Variants in KCND2 observed in about 807,000 individuals in gnomAD.
The protein encoded by KCND2 is potassium voltage-gated channel subfamily D member 2.
A neutral mutation model predicts 54.4 loss-of-function variants in KCND2; 16 were observed. The ratio of observed to expected loss-of-function variants is 0.29; its 90% CI spans 0.20 to 0.45. The LOEUF is 0.45. Ranked by LOEUF, KCND2 falls within the 20% of genes least tolerant of loss-of-function variation. The probability of loss-of-function intolerance (pLI) is 1.00; values close to 1 mark genes in which losing one functional copy is unlikely to be tolerated. For missense variants in KCND2, 486 were observed against 824.2 expected, an observed-to-expected ratio of 0.59 and a Z score of 5.02; for synonymous variants, 317 against 310.7, an observed-to-expected ratio of 1.02 and a Z score of -0.21.
chr7:120,619,870 A>G (rs1204250400), intron 1 of KCND2, among the ~76,000 whole-genome samples: 1 of 152,198 alleles, frequency 6.6e-6, no homozygotes, highest in Non-Finnish European at 1.5e-5. Context: ...TTGAATATCT[A>G]ATTATAAACT....
intron 1 of KCND2, among the ~76,000 whole-genome samples, chr7:120,429,097 T>C (rs1016610454): frequency 6.6e-6 from 1 of 152,170 alleles, no homozygotes; most frequent in Non-Finnish European, 1.5e-5. Flanking sequence ...GTTAGGTTTG[T>C]ATAGAAGAGC....
At chr7:120,724,212 T>A (rs1183054024) in intron 1 of KCND2, among the ~76,000 whole-genome samples, 1 of 152,196 alleles carries the variant, frequency 6.6e-6, no homozygotes, top group Admixed American at 6.6e-5. Flanking sequence ...TTGACCTCAC[T>A]GAACTCATGA....
At chr7:120,412,913 C>T (rs908657370) in intron 1 of KCND2, among the ~76,000 whole-genome samples, 1 of 152,056 alleles carries the variant, frequency 6.6e-6, no homozygotes, top group African/African-American at 2.4e-5. Flanking sequence ...TTTGCCAGCA[C>T]TCCCTTACTG....
At chr7:120,684,310 A>G (rs979356533) in intron 1 of KCND2, among the ~76,000 whole-genome samples, 10 of 152,182 alleles carry the variant, frequency 6.6e-5, no homozygotes, top group Non-Finnish European at 1.5e-4. Context: ...GACTTAATCT[A>G]GTACACGTAA....
At chr7:120,699,342 A>G (rs1421129861) in intron 1 of KCND2, among the ~76,000 whole-genome samples, 1 of 152,196 alleles carries the variant, frequency 6.6e-6, no homozygotes, top group East Asian at 1.9e-4. Flanking sequence ...TCAATTTGCA[A>G]AGGTTAAGGA....
chr7:120,296,632 G>A (rs1419358936), intron 1 of KCND2, among the ~76,000 whole-genome samples: 1 of 151,990 alleles, frequency 6.6e-6, no homozygotes, highest in Non-Finnish European at 1.5e-5. Context: ...CATTCTCTGA[G>A]TGGTACTCAT....
intron 1 of KCND2, among the ~76,000 whole-genome samples, chr7:120,560,720 C>G (rs993071622): frequency 3.7e-4 from 56 of 152,210 alleles, no homozygotes; most frequent in African/African-American, 1.3e-3. Flanking sequence ...GGTTATCAGT[C>G]CAGTATTCTC....
At chr7:120,519,277 GC>G (rs1803245978) in intron 1 of KCND2, among the ~76,000 whole-genome samples, 2 of 152,094 alleles carry the variant, frequency 1.3e-5, no homozygotes, top group Admixed American at 6.6e-5. Flanking sequence ...CGAGACTGAG[GC>G]TGAGGTTGCA....
intron 1 of KCND2, among the ~76,000 whole-genome samples, chr7:120,541,588 C>T (rs1180371149): frequency 2.0e-5 from 3 of 152,092 alleles, no homozygotes; most frequent in Non-Finnish European, 4.4e-5. Flanking sequence ...CTGAGACTAG[C>T]ATGTTCCAAG....
At chr7:120,289,941 A>G (rs1176746700) in intron 1 of KCND2, among the ~76,000 whole-genome samples, 1 of 152,076 alleles carries the variant, frequency 6.6e-6, no homozygotes, top group Non-Finnish European at 1.5e-5. Flanking sequence ...CGAAGCTCAC[A>G]TTGTGTTTTT....
chr7:120,614,954 A>G (rs1793002969), intron 1 of KCND2, among the ~76,000 whole-genome samples: 1 of 152,188 alleles, frequency 6.6e-6, no homozygotes, highest in African/African-American at 2.4e-5. Context: ...CAAACAACAT[A>G]CACTAACAAT....
intron 1 of KCND2, among the ~76,000 whole-genome samples, chr7:120,480,778 A>T (rs1423049215): frequency 1.3e-5 from 2 of 152,210 alleles, no homozygotes; most frequent in African/African-American, 2.4e-5. Flanking sequence ...GTTCTTTATA[A>T]GTTACCCAGT....
intron 1 of KCND2, among the ~76,000 whole-genome samples, chr7:120,613,084 ATT>A (rs68066248): frequency 0.21 from 30,851 of 144,672 alleles, 3,976 homozygotes; most frequent in African/African-American, 0.38. Flanking sequence ...GTTTAGCCTA[ATT>A]TTTTTTTTTT....
At chr7:120,519,224 C>T (rs1803244811) in intron 1 of KCND2, among the ~76,000 whole-genome samples, 1 of 152,070 alleles carries the variant, frequency 6.6e-6, no homozygotes, top group African/African-American at 2.4e-5. Flanking sequence ...TACCTGTAAT[C>T]ATAGCTACTT....
intron 1 of KCND2, among the ~76,000 whole-genome samples, chr7:120,510,271 T>C (rs1440374685): frequency 1.3e-5 from 2 of 152,142 alleles, no homozygotes; most frequent in African/African-American, 4.8e-5. Context: ...AACAAACTTC[T>C]TGGCATTGAC....
At chr7:120,502,306 C>T (rs1018132540) in intron 1 of KCND2, among the ~76,000 whole-genome samples, 1 of 151,932 alleles carries the variant, frequency 6.6e-6, no homozygotes, top group African/African-American at 2.4e-5. Flanking sequence ...AGCTTTCACT[C>T]CTTTCTTTCA....
intron 1 of KCND2, among the ~76,000 whole-genome samples, chr7:120,563,702 A>T (rs1792263507): frequency 6.6e-6 from 1 of 152,028 alleles, no homozygotes; most frequent in African/African-American, 2.4e-5. Context: ...TATTTCAAAT[A>T]CTCCAGGCAG....
chr7:120,675,259 G>T (rs1320993495), intron 1 of KCND2, among the ~76,000 whole-genome samples: 2 of 152,016 alleles, frequency 1.3e-5, no homozygotes, highest in African/African-American at 4.8e-5. Flanking sequence ...TAGAGACAGG[G>T]TATTGCTCTG....
Position 120,693,913 on chromosome 7 carries a change from C to T in KCND2, c.1116-38990C>T, listed in dbSNP as rs150529205. On this transcript the variant is annotated intron_variant, in intron 1 of 5. Transcript: ENST00000331113. ...CCATCTGTAAATAGAAGGATGCGTGCGGTGGTTCATGCCTGTAATGCCAGC... is the reference window on the plus strand; with the variant it reads ...CCATCTGTAAATAGAAGGATGCGTGTGGTGGTTCATGCCTGTAATGCCAGC... Among the ~76,000 whole-genome samples, 460 of 152,190 alleles carry T rather than the reference C, an allele frequency of 3.0e-3. 3 individuals carry two copies. Among genetic ancestry groups the T allele is most frequent in the African/African-American group, 0.01 (420 of 41,538 alleles).
Sources: gnomAD v4.1 joint callset for allele counts (sites outside exome capture counted in the v4.1 genomes callset) on GRCh38, gnomAD v4.1.1 for gene constraint, MANE v1.5 for transcripts, NCBI Gene and HGNC (gene_info 2026-07-23, HGNC 2026-07-21) for gene names.